LNX1: variants seen among roughly 807,000 people sequenced by gnomAD.
LNX1 encodes the protein E3 ubiquitin-protein ligase LNX.
Under a neutral mutation model 68.4 loss-of-function variants are expected in LNX1, and 54 were observed. The ratio of observed to expected loss-of-function variants is 0.79; its 90% CI spans 0.63 to 0.99. The LOEUF (loss-of-function observed/expected upper bound fraction) is 0.99, where lower values mean the gene tolerates loss of function less well. Among genes scored for constraint, LNX1 ranks in the 50% least tolerant of loss-of-function variants. LNX1 has a pLI of 0.00. For synonymous variants in LNX1, 336 were observed against 350.0 expected, an observed-to-expected ratio of 0.96 and a Z score of 0.45; for missense variants, 906 against 926.4, an observed-to-expected ratio of 0.98 and a Z score of 0.29.
At chr4:53,573,581 G>A (rs768951303) in intron 2 of LNX1, 42 bp downstream of exon 2, 69 of 1,429,668 alleles carry the variant, frequency 4.8e-5, no homozygotes, top group Middle Eastern at 1.8e-4. Context: ...CAGCTGTCCC[G>A]CTTGGGGGTG....
At chr4:53,512,980 C>T (rs1726469948) in intron 2 of LNX1, among the ~76,000 whole-genome samples, 1 of 152,140 alleles carries the variant, frequency 6.6e-6, no homozygotes. Flanking sequence ...TCTCCACGGC[C>T]AAACCCTGGA....
At chr4:53,583,971 C>CG (rs1309877325) in intron 1 of LNX1, among the ~76,000 whole-genome samples, 3 of 141,770 alleles carry the variant, frequency 2.1e-5, no homozygotes, top group Non-Finnish European at 4.8e-5. Context: ...ACAACAACAA[C>CG]AACGACAAAT....
intron 4 of LNX1, 99 bp downstream of exon 4, chr4:53,507,218 G>A: frequency 1.6e-6 from 2 of 1,263,080 alleles, no homozygotes; most frequent in East Asian, 2.3e-5. Context: ...TGGGAAGAGA[G>A]GGGTCACAGA....
intron 5 of LNX1, 113 bp downstream of exon 5, chr4:53,498,528 C>T (rs1725240185): frequency 2.7e-6 from 2 of 728,366 alleles, no homozygotes; most frequent in Non-Finnish European, 4.8e-6. Flanking sequence ...AAGTCACTAT[C>T]CACATTTATT....
At chr4:53,519,947 G>C (rs147709262) in intron 2 of LNX1, among the ~76,000 whole-genome samples, 1 of 152,220 alleles carries the variant, frequency 6.6e-6, no homozygotes, top group Non-Finnish European at 1.5e-5. Flanking sequence ...AAGGCAAACC[G>C]ATGTGCTGGT....
At chr4:53,543,193 C>G (rs1406407594) in intron 2 of LNX1, among the ~76,000 whole-genome samples, 2 of 152,212 alleles carry the variant, frequency 1.3e-5, no homozygotes, top group Admixed American at 6.5e-5. Flanking sequence ...GTCAGTTGCC[C>G]TCATGGCTGG....
intron 6 of LNX1, 142 bp downstream of exon 6, chr4:53,495,881 T>C: frequency 1.0e-6 from 1 of 1,004,224 alleles, no homozygotes. Context: ...TTTGAAAATG[T>C]TGGTCTTTCC....
Position 53,479,875 on chromosome 4 carries a change from C to T in LNX1, c.1486-1133G>A, listed in dbSNP as rs552532547. 3.3e-5 allele frequency among the ~76,000 whole-genome samples: 5 copies of T among 152,302 alleles called. No homozygotes were observed. In the South Asian group the frequency reaches 8.3e-4, roughly 25 times the overall value. ...ATAAAGAATAACAGAATGACCTACC[C>T]ATGTACCTCAAAACCCTACATCAGA... On this transcript the variant is annotated intron_variant, in intron 7 of 10. Transcript: ENST00000263925.
intron 1 of LNX1, among the ~76,000 whole-genome samples, chr4:53,582,620 A>G (rs1191366095): frequency 6.6e-6 from 1 of 152,222 alleles, no homozygotes; most frequent in Non-Finnish European, 1.5e-5. Flanking sequence ...CTTGTTTTAC[A>G]GCATGTTTCA....
At chr4:53,636,483 G>A (rs13110894) in intron 1 of LNX1, among the ~76,000 whole-genome samples, 2 of 152,160 alleles carry the variant, frequency 1.3e-5, no homozygotes, top group Non-Finnish European at 1.5e-5. Flanking sequence ...CTCTGAGGCA[G>A]AAGGGCTTGA....
At chr4:53,529,603 G>A (rs1171360108) in intron 2 of LNX1, among the ~76,000 whole-genome samples, 1 of 152,172 alleles carries the variant, frequency 6.6e-6, no homozygotes, top group Non-Finnish European at 1.5e-5. Flanking sequence ...CAGATGCAGG[G>A]AGACCCTGGG....
intron 7 of LNX1, among the ~76,000 whole-genome samples, chr4:53,480,163 G>C (rs1456194815): frequency 2.0e-5 from 3 of 152,182 alleles, no homozygotes; most frequent in African/African-American, 7.2e-5. Context: ...AATAATCAAA[G>C]AGCCATATAT....
intron 1 of LNX1, among the ~76,000 whole-genome samples, chr4:53,577,061 T>A (rs1277869719): frequency 6.6e-6 from 1 of 152,138 alleles, no homozygotes; most frequent in Non-Finnish European, 1.5e-5. Context: ...AGATAGAGGG[T>A]GCAGGAGGGG....
intron 2 of LNX1, among the ~76,000 whole-genome samples, chr4:53,529,016 A>C (rs1246252973): frequency 6.6e-6 from 1 of 151,832 alleles, no homozygotes; most frequent in African/African-American, 2.4e-5. Flanking sequence ...TGTAGTTCCA[A>C]GATACAGGGG....
intron 2 of LNX1, among the ~76,000 whole-genome samples, chr4:53,606,345 G>A (rs2412490): frequency 0.41 from 61,647 of 151,846 alleles, 12,656 homozygotes; most frequent in Admixed American, 0.45. Context: ...GAAATGGCTA[G>A]ATCCCTGGAA....
chr4:53,636,623 A>C (rs1384434644), intron 1 of LNX1, among the ~76,000 whole-genome samples: 2 of 152,170 alleles, frequency 1.3e-5, no homozygotes, highest in Non-Finnish European at 2.9e-5. Flanking sequence ...GCAGCCTGAT[A>C]GACCCTGGGT....
intron 2 of LNX1, among the ~76,000 whole-genome samples, chr4:53,525,257 G>A (rs1033845378): frequency 2.6e-5 from 4 of 152,258 alleles, no homozygotes; most frequent in East Asian, 3.9e-4. Context: ...TGAGGAGGGC[G>A]GATCATTTGA....
intron 7 of LNX1, among the ~76,000 whole-genome samples, chr4:53,479,547 G>A (rs1435206842): frequency 5.3e-5 from 8 of 152,140 alleles, no homozygotes; most frequent in Non-Finnish European, 1.2e-4. Context: ...GTCAGCAATG[G>A]AAAAAGAAAA....
At chr4:53,562,307 A>C (rs1730347228) in intron 2 of LNX1, among the ~76,000 whole-genome samples, 1 of 152,184 alleles carries the variant, frequency 6.6e-6, no homozygotes, top group African/African-American at 2.4e-5. Context: ...GCTGCCATTC[A>C]ACTCAATAAG....
Sources: allele counts gnomAD v4.1 joint callset (sites outside exome capture counted in the v4.1 genomes callset), GRCh38; gene constraint gnomAD v4.1.1; transcripts MANE v1.5; gene names NCBI Gene and HGNC (gene_info 2026-07-23, HGNC 2026-07-21).